Variants in TMPRSS7 observed in about 807,000 individuals in gnomAD.
TMPRSS7 encodes transmembrane serine protease 7.
A neutral mutation model predicts 95.6 loss-of-function variants in TMPRSS7; 81 were observed. That is an observed-to-expected ratio of 0.85 (90% CI 0.71 to 1.02). The LOEUF (loss-of-function observed/expected upper bound fraction) is 1.02, where lower values mean the gene tolerates loss of function less well. TMPRSS7 is among the 50% of genes least tolerant of loss of function. The pLI, the probability that TMPRSS7 is intolerant of heterozygous loss-of-function variation, is 0.00. For missense variants in TMPRSS7, 945 were observed against 955.2 expected, an observed-to-expected ratio of 0.99 and a Z score of 0.14; for synonymous variants, 364 against 337.8, an observed-to-expected ratio of 1.08 and a Z score of -0.85.
chr3:112,049,948 C>A, exon 8 of TMPRSS7: 1 of 1,573,652 alleles, frequency 6.4e-7, no homozygotes, highest in Non-Finnish European at 8.7e-7. Flanking sequence ...GGAATCCGGG[C>A]ATATTTTGAG....
chr3:112,056,828 C>T (rs1038346622), intron 9 of TMPRSS7, among the ~76,000 whole-genome samples, 197 bp from the exon 10 acceptor site: 15 of 152,194 alleles, frequency 9.9e-5, no homozygotes, highest in African/African-American at 3.4e-4. Context: ...CCAGCAGCTG[C>T]TCCCTGAATA....
intron 2 of TMPRSS7, 35 bp from the exon 3 acceptor site, chr3:112,041,885 A>G: frequency 1.1e-5 from 16 of 1,394,936 alleles, no homozygotes; most frequent in Non-Finnish European, 1.6e-5. Context: ...CACAGATGGG[A>G]AAGCCTCCGA....
rs201649338 is a variant in TMPRSS7 at position 112,080,545 on chromosome 3, TACCACC to T, written c.2362-366_2362-361del. On this transcript the variant is annotated intron_variant, in intron 17 of 17. Coordinates refer to ENST00000452346, the Ensembl canonical transcript of TMPRSS7. Reference sequence around the variant, plus strand: ...TAGCCCTCACTACTACTACTACTACTACCACCACTACTACTACTACTACTATTACCA... The same window carrying T: ...TAGCCCTCACTACTACTACTACTACTACTACTACTACTACTACTATTACCA... Among the ~76,000 whole-genome samples the T allele has an allele frequency of 7.4e-3, 943 of 128,292 alleles. 6 individuals carry two copies. The highest frequency in any genetic ancestry group is 0.011 in the Non-Finnish European group (664 of 60,222). 84.2% of individuals were successfully genotyped at this position (128,292 alleles called of 152,430 possible).
intron 9 of TMPRSS7, among the ~76,000 whole-genome samples, chr3:112,053,411 C>T (rs1218198755): frequency 1.3e-5 from 2 of 152,168 alleles, no homozygotes; most frequent in Non-Finnish European, 2.9e-5. Flanking sequence ...AAAGATTCTT[C>T]TCTCAAGCTC....
intron 10 of TMPRSS7, among the ~76,000 whole-genome samples, chr3:112,060,386 G>A (rs2073486384): frequency 6.6e-6 from 1 of 152,116 alleles, no homozygotes; most frequent in African/African-American, 2.4e-5. Context: ...TAATAAGCCT[G>A]GGAGCACTAA....
At position 112,051,355 on chromosome 3, in the gene TMPRSS7, T is replaced by C. The variant is rs1156733676; in HGVS notation, c.1203+572T>C. 2.0e-5 allele frequency among the ~76,000 whole-genome samples: 3 copies of C among 152,160 alleles called. No homozygotes were observed. The East Asian group carries it at 5.8e-4, about 29-fold the overall frequency. ...ATTTAAAGTATATAGAGGATGTGCA[T>C]AGATTACACGCAAATACTACACAAT... On this transcript the variant is annotated intron_variant, in intron 9 of 17. Coordinates refer to ENST00000452346, the Ensembl canonical transcript of TMPRSS7.
At chr3:112,045,790 G>A in exon 5 of TMPRSS7, 1 of 1,551,480 alleles carries the variant, frequency 6.4e-7, no homozygotes, top group East Asian at 2.4e-5. Flanking sequence ...CTTTTGGATT[G>A]TTTTTGTCAT....
intron 10 of TMPRSS7, 80 bp from the exon 11 acceptor site, chr3:112,061,707 T>C (rs2073507698): frequency 6.7e-7 from 1 of 1,481,796 alleles, no homozygotes; most frequent in East Asian, 2.4e-5. Context: ...ATGACCAAAG[T>C]ATTAGAGAAT....
chr3:112,077,111 T>G, exon 16 of TMPRSS7: 1 of 1,614,134 alleles, frequency 6.2e-7, no homozygotes, highest in Non-Finnish European at 8.5e-7. Context: ...GGAGAAGTGC[T>G]GGGTAACTGG....
chr3:112,073,257 A>G (rs1226144783), intron 13 of TMPRSS7, among the ~76,000 whole-genome samples: 1 of 150,770 alleles, frequency 6.6e-6, no homozygotes, highest in African/African-American at 2.4e-5. Context: ...ATGCCCAGCT[A>G]TTTTTTTTGT....
intron 17 of TMPRSS7, among the ~76,000 whole-genome samples, chr3:112,080,504 A>T (rs2073764270): frequency 6.6e-6 from 1 of 152,148 alleles, no homozygotes; most frequent in African/African-American, 2.4e-5. Flanking sequence ...GCACATAGCT[A>T]GCACTAAATA....
At chr3:112,075,817 G>A (rs2073705309) in intron 15 of TMPRSS7, among the ~76,000 whole-genome samples, 1 of 152,164 alleles carries the variant, frequency 6.6e-6, no homozygotes, top group Non-Finnish European at 1.5e-5. Flanking sequence ...CTGGAGAATG[G>A]AGGTCCCCAA....
intron 13 of TMPRSS7, among the ~76,000 whole-genome samples, chr3:112,071,547 A>G (rs907166061): frequency 1.3e-5 from 2 of 152,214 alleles, no homozygotes; most frequent in East Asian, 1.9e-4. Context: ...GTGTTTTCCA[A>G]CTTGGTTCCA....
chr3:112,035,479 C>T (rs4682076), intron 1 of TMPRSS7, among the ~76,000 whole-genome samples: 43,384 of 151,944 alleles, frequency 0.29, 7,178 homozygotes, highest in Middle Eastern at 0.38. Context: ...TCAGAGTGTA[C>T]GTGGCCACGT....
intron 12 of TMPRSS7, 112 bp from the exon 13 acceptor site, chr3:112,066,280 G>A (rs1473568752): frequency 1.2e-6 from 1 of 840,792 alleles, no homozygotes. Context: ...TACACTTTTT[G>A]TTTTATAGGT....
intron 9 of TMPRSS7, among the ~76,000 whole-genome samples, chr3:112,051,708 C>A (rs1351053345): frequency 6.7e-6 from 1 of 149,518 alleles, no homozygotes; most frequent in Non-Finnish European, 1.5e-5. Context: ...TATTACCTAT[C>A]TATCTATCTC....
At chr3:112,062,808 C>A (rs1045164209) in intron 11 of TMPRSS7, among the ~76,000 whole-genome samples, 2 of 152,116 alleles carry the variant, frequency 1.3e-5, no homozygotes. Context: ...CACTTTCCCC[C>A]ATTCTTTTGC....
intron 15 of TMPRSS7, 78 bp from the exon 16 acceptor site, chr3:112,076,798 A>G: frequency 2.0e-6 from 3 of 1,527,424 alleles, no homozygotes; most frequent in Non-Finnish European, 1.8e-6. Context: ...TCAGCCCTCA[A>G]CTCTTTAGAG....
At chr3:112,060,805 G>T (rs746035194) in intron 10 of TMPRSS7, among the ~76,000 whole-genome samples, 4 of 152,222 alleles carry the variant, frequency 2.6e-5, no homozygotes, top group Non-Finnish European at 5.9e-5. Context: ...GTAAAGACAG[G>T]TGTAGGAAAT....
Sources: allele counts gnomAD v4.1 joint callset (sites outside exome capture counted in the v4.1 genomes callset), GRCh38; gene constraint gnomAD v4.1.1; transcripts MANE v1.5; gene names NCBI Gene and HGNC (gene_info 2026-07-23, HGNC 2026-07-21).